Variants in RALGPS2 observed in about 807,000 individuals in gnomAD.
RALGPS2 encodes the protein Ral GEF with PH domain and SH3 binding motif 2, also known as ras-specific guanine nucleotide-releasing factor RalGPS2.
A neutral mutation model predicts 86.8 loss-of-function variants in RALGPS2; 43 were observed. The ratio of observed to expected loss-of-function variants is 0.50; its 90% confidence interval spans 0.39 to 0.64. The LOEUF (loss-of-function observed/expected upper bound fraction) is 0.64, where lower values mean the gene tolerates loss of function less well. RALGPS2 is among the 30% of genes least tolerant of loss of function. The pLI is 0.00. For synonymous variants in RALGPS2, 243 were observed against 231.3 expected (o/e 1.05, Z -0.46); for missense variants, 536 against 694.6 (o/e 0.77, Z 2.57).
At chr1:178,848,782 G>C (rs1010648304) in intron 8 of RALGPS2, among the ~76,000 whole-genome samples, 6 of 152,044 alleles carry the variant, frequency 3.9e-5, no homozygotes, top group Non-Finnish European at 7.4e-5. Flanking sequence ...ACAGGCATGT[G>C]CCACATCTGG....
chr1:178,747,932 C>A (rs944356556), intron 1 of RALGPS2, among the ~76,000 whole-genome samples: 1 of 152,210 alleles, frequency 6.6e-6, no homozygotes, highest in Non-Finnish European at 1.5e-5. Context: ...ACCAAGTGTT[C>A]GCAAAGATGT....
At chr1:178,767,054 C>T (rs1428086249) in intron 1 of RALGPS2, among the ~76,000 whole-genome samples, 1 of 152,060 alleles carries the variant, frequency 6.6e-6, no homozygotes, top group Non-Finnish European at 1.5e-5. Flanking sequence ...TTTTCAGTTC[C>T]TTCAGCTTAG....
chr1:178,824,779 A>G (rs1029447431), intron 7 of RALGPS2, among the ~76,000 whole-genome samples: 1 of 152,140 alleles, frequency 6.6e-6, no homozygotes, highest in Non-Finnish European at 1.5e-5. Flanking sequence ...ACTGCACTCC[A>G]GCCTGTGCGA....
chr1:178,808,238 G>A (rs2102193663), intron 5 of RALGPS2, 110 bp downstream of exon 5: 2 of 769,238 alleles, frequency 2.6e-6, no homozygotes, highest in Non-Finnish European at 4.4e-6. Context: ...TTTTCAGCCA[G>A]TATCTCTCAA....
chr1:178,887,871 G>A (rs1346473046), intron 13 of RALGPS2, among the ~76,000 whole-genome samples: 3 of 152,020 alleles, frequency 2.0e-5, no homozygotes, highest in Admixed American at 1.3e-4. Flanking sequence ...TTTTGCAAAA[G>A]AAAGAACTTT....
At position 178,808,123 on chromosome 1, in the gene RALGPS2, A is replaced by C; in HGVS notation, c.292A>C (p.Asn98His). The C allele has an allele frequency of 6.3e-7, 1 of 1,594,408 alleles. No homozygotes were observed. The highest frequency in any genetic ancestry group is 8.6e-7 in the Non-Finnish European group (1 of 1,163,036). Reference protein sequence around the residue: ...PNAVAFTRRFNHVSFWVVREI... With the variant: ...PNAVAFTRRFHHVSFWVVREI... ...TGCAGTTGCCTTCACAAGAAGATTCAATCATGTGAGTTTATAAATTTTGAT... is the reference window on the plus strand; with the variant it reads ...TGCAGTTGCCTTCACAAGAAGATTCCATCATGTGAGTTTATAAATTTTGAT... Residue 98 changes from asparagine (N) to histidine (H), a missense_variant, in exon 5 of 20, where the codon AAT (asparagine) becomes CAT (histidine). By Grantham distance (68) the Asn-to-His change is moderately conservative. Around this residue, in one of 3 missense-constraint regions of RALGPS2, gnomAD observed 184 missense variants for 296.7 expected, o/e 0.62. Coordinates refer to ENST00000367635, the MANE Select transcript of RALGPS2 (RefSeq NM_152663.5).
intron 8 of RALGPS2, chr1:178,869,114 GT>G (rs969837817): frequency 1.3e-5 from 2 of 151,880 alleles, no homozygotes; most frequent in Non-Finnish European, 2.9e-5. Context: ...GAATACTTAC[GT>G]TTAAATTTAA....
intron 7 of RALGPS2, among the ~76,000 whole-genome samples, chr1:178,822,508 A>G (rs910533485): frequency 6.7e-6 from 1 of 149,430 alleles, no homozygotes; most frequent in Middle Eastern, 3.4e-3. Context: ...AAACTTTATT[A>G]CTAAAATATA....
chr1:178,873,680 G>A (rs1266831410), intron 8 of RALGPS2, among the ~76,000 whole-genome samples: 1 of 152,102 alleles, frequency 6.6e-6, no homozygotes, highest in African/African-American at 2.4e-5. Flanking sequence ...CATGGTTGGG[G>A]GTGGGATGGG....
At chr1:178,819,023 G>A (rs1655369433) in intron 6 of RALGPS2, among the ~76,000 whole-genome samples, 1 of 146,826 alleles carries the variant, frequency 6.8e-6, no homozygotes, top group African/African-American at 2.5e-5. Context: ...GGGTCTTGCT[G>A]GGTTGCCCAG....
At chr1:178,738,313 A>T (rs1215928817) in intron 1 of RALGPS2, among the ~76,000 whole-genome samples, 9 of 146,102 alleles carry the variant, frequency 6.2e-5, no homozygotes, top group African/African-American at 2.1e-4. Context: ...GGTTCAAGGT[A>T]CTCTCCTGTC....
intron 1 of RALGPS2, among the ~76,000 whole-genome samples, chr1:178,772,736 G>A (rs1572313894): frequency 6.6e-6 from 1 of 152,200 alleles, no homozygotes; most frequent in East Asian, 1.9e-4. Flanking sequence ...GAAGACTTAG[G>A]TGTAGAATCT....
intron 7 of RALGPS2, among the ~76,000 whole-genome samples, chr1:178,833,175 A>G (rs1378739399): frequency 6.6e-6 from 1 of 152,102 alleles, no homozygotes. Context: ...AATAGTAAAC[A>G]CGAAAATGTT....
In RALGPS2 at chr1:178,725,264, A is replaced by AGCGGCAGCG. The variant is rs1553256775; in HGVS notation, c.-234_-233insAGCGGCGGC. 0.025 allele frequency: 945 copies of AGCGGCAGCG among 37,316 alleles called. 4 individuals carry two copies. The highest frequency in any genetic ancestry group is 0.16 in the Admixed American group (274 of 1,698). 2.3% of individuals were successfully genotyped at this position (37,316 alleles called of 1,614,324 possible). On this transcript the variant is annotated 5_prime_UTR_variant, in exon 1 of 20. Transcript: ENST00000367635. ...AGCTCACTCTCCTCCCCCGAGCGGC[A>AGCGGCAGCG]GCGGCGGCGGCGGCGGCGGCTGCTG...
chr1:178,857,804 G>A (rs1657694518), intron 8 of RALGPS2, among the ~76,000 whole-genome samples: 1 of 152,120 alleles, frequency 6.6e-6, no homozygotes, highest in Admixed American at 6.5e-5. Flanking sequence ...TTGCTTTGCT[G>A]CAGAATATTT....
intron 14 of RALGPS2, among the ~76,000 whole-genome samples, chr1:178,891,358 C>T (rs949982562): frequency 3.3e-5 from 5 of 152,046 alleles, no homozygotes; most frequent in African/African-American, 9.7e-5. Context: ...GGATAGTGAA[C>T]TTGAAAAATG....
chr1:178,776,566 T>A (rs533786060), intron 1 of RALGPS2, 116 bp from the exon 2 acceptor site: 115 of 438,118 alleles, frequency 2.6e-4, no homozygotes, highest in African/African-American at 2.0e-3. Context: ...TGAGCTAAGA[T>A]AATAAATAGA....
At chr1:178,894,097 T>C (rs1290089491) in intron 16 of RALGPS2, 73 bp downstream of exon 16, 2 of 839,828 alleles carry the variant, frequency 2.4e-6, no homozygotes. Flanking sequence ...GTAAAAGTAC[T>C]AAAACAATTA....
chr1:178,852,270 A>G (rs1158393786), intron 8 of RALGPS2, among the ~76,000 whole-genome samples: 1 of 152,140 alleles, frequency 6.6e-6, no homozygotes. Context: ...GAGAGTACTT[A>G]TTCCCACCTA....
Sources: allele counts gnomAD v4.1 joint callset (sites outside exome capture counted in the v4.1 genomes callset), GRCh38; gene constraint gnomAD v4.1.1; regional missense constraint gnomAD v4.1.1; transcripts MANE v1.5; gene names NCBI Gene and HGNC (gene_info 2026-07-23, HGNC 2026-07-21).